The following STXBP5 variants were observed in gnomAD, a reference collection of about 807,000 sequenced individuals.
STXBP5 encodes syntaxin binding protein 5.
A neutral mutation model predicts 152.4 loss-of-function variants in STXBP5; 50 were observed. The observed-to-expected ratio is 0.33, with a 90% CI of 0.26 to 0.42. STXBP5 has a LOEUF of 0.42. Among genes scored for constraint, STXBP5 ranks in the 10% least tolerant of loss-of-function variants. The pLI, the probability that STXBP5 is intolerant of heterozygous loss-of-function variation, is 1.00. For missense variants in STXBP5, 1,167 were observed against 1,388.6 expected (o/e 0.84, Z 2.54); for synonymous variants, 492 against 494.7 (o/e 0.99, Z 0.07).
intron 1 of STXBP5, among the ~76,000 whole-genome samples, chr6:147,205,685 A>G (rs1343539837): frequency 6.6e-6 from 1 of 152,172 alleles, no homozygotes; most frequent in Admixed American, 6.5e-5. Flanking sequence ...CTGGTGTCGG[A>G]TGTAGTAGTA....
At chr6:147,261,780 G>GGGTA (rs1423196100) in intron 5 of STXBP5, among the ~76,000 whole-genome samples, 1 of 151,778 alleles carries the variant, frequency 6.6e-6, no homozygotes, top group East Asian at 1.9e-4. Context: ...TCTGAATTAG[G>GGGTA]GGTATGCTTA....
At chr6:147,357,845 G>T (rs1488862112) in intron 22 of STXBP5, among the ~76,000 whole-genome samples, 1 of 152,090 alleles carries the variant, frequency 6.6e-6, no homozygotes, top group African/African-American at 2.4e-5. Flanking sequence ...ACTGGTTTGG[G>T]GGAAATTATA....
At chr6:147,325,348 T>A (rs746754402) in intron 17 of STXBP5, among the ~76,000 whole-genome samples, 21 of 152,180 alleles carry the variant, frequency 1.4e-4, no homozygotes, top group Non-Finnish European at 2.4e-4. Context: ...TTAAAGTCAG[T>A]ATATCCTCTC....
At chr6:147,285,447 T>C (rs1780913300) in intron 8 of STXBP5, among the ~76,000 whole-genome samples, 1 of 152,112 alleles carries the variant, frequency 6.6e-6, no homozygotes, top group South Asian at 2.1e-4. Flanking sequence ...ATTTAAAACA[T>C]CTTGGTTGGA....
At chr6:147,206,141 C>A in intron 2 of STXBP5, 73 bp downstream of exon 2, 1 of 1,325,452 alleles carries the variant, frequency 7.5e-7, no homozygotes, top group Non-Finnish European at 1.1e-6. Context: ...CTGATTAGTT[C>A]CAAAGAAAGT....
At chr6:147,347,775 A>T (rs1463709716) in intron 21 of STXBP5, among the ~76,000 whole-genome samples, 1 of 152,188 alleles carries the variant, frequency 6.6e-6, no homozygotes, top group Non-Finnish European at 1.5e-5. Flanking sequence ...AAAGTTTGAA[A>T]TATAGTAGTT....
At chr6:147,265,916 A>G (rs1052911408) in intron 6 of STXBP5, among the ~76,000 whole-genome samples, 4 of 152,036 alleles carry the variant, frequency 2.6e-5, no homozygotes, top group Non-Finnish European at 4.4e-5. Context: ...GAATTAAAAA[A>G]AAAAAGTACA....
chr6:147,231,434 A>G (rs1778002923), intron 2 of STXBP5, among the ~76,000 whole-genome samples: 1 of 151,896 alleles, frequency 6.6e-6, no homozygotes, highest in Non-Finnish European at 1.5e-5. Context: ...TTTGCTTTAA[A>G]AACAAGAATT....
chr6:147,212,250 T>C (rs1026290208), intron 2 of STXBP5, among the ~76,000 whole-genome samples: 10 of 152,308 alleles, frequency 6.6e-5, no homozygotes, highest in African/African-American at 2.4e-4. Flanking sequence ...ATGTTAACTA[T>C]TGGAGATTCA....
chr6:147,257,647 T>C (rs778753721), intron 4 of STXBP5, among the ~76,000 whole-genome samples: 2 of 152,216 alleles, frequency 1.3e-5, no homozygotes, highest in Non-Finnish European at 1.5e-5. Flanking sequence ...GTATTTCAGC[T>C]TCATGAAACA....
chr6:147,332,019 G>A (rs1783599006), intron 18 of STXBP5, among the ~76,000 whole-genome samples: 1 of 152,190 alleles, frequency 6.6e-6, no homozygotes. Context: ...CTGGCACATA[G>A]TAAGTATTCA....
At chr6:147,286,630 T>A (rs954530462) in intron 8 of STXBP5, among the ~76,000 whole-genome samples, 2 of 152,190 alleles carry the variant, frequency 1.3e-5, no homozygotes, top group African/African-American at 4.8e-5. Flanking sequence ...ATAATTAATG[T>A]AATAAATGAA....
At chr6:147,249,270 C>A (rs1408883900) in intron 4 of STXBP5, among the ~76,000 whole-genome samples, 1 of 151,934 alleles carries the variant, frequency 6.6e-6, no homozygotes, top group African/African-American at 2.4e-5. Flanking sequence ...AAAAAATACA[C>A]CTGGTATTAG....
intron 16 of STXBP5, among the ~76,000 whole-genome samples, chr6:147,320,451 A>G (rs553069472): frequency 5.3e-5 from 8 of 152,102 alleles, no homozygotes; most frequent in Non-Finnish European, 1.0e-4. Context: ...GGACTCTACC[A>G]TTCCTGGGAT....
intron 6 of STXBP5, among the ~76,000 whole-genome samples, chr6:147,264,906 A>AAAGTTTAACCCTCTTAAGTTATTAAGGTT: frequency 6.6e-6 from 1 of 151,916 alleles, no homozygotes; most frequent in Non-Finnish European, 1.5e-5. Flanking sequence ...TAGAGAGGTT[A>AAAGTTTAACCCTCTTAAGTTATTAAGGTT]AAGTTTAACC....
chr6:147,351,660 T>A (rs1784595252), intron 21 of STXBP5, among the ~76,000 whole-genome samples: 1 of 152,232 alleles, frequency 6.6e-6, no homozygotes, highest in Non-Finnish European at 1.5e-5. Context: ...TGAAATTTTT[T>A]ACGTTGGTGA....
chr6:147,376,164 A>G (rs574201750), intron 26 of STXBP5, among the ~76,000 whole-genome samples: 2 of 152,356 alleles, frequency 1.3e-5, no homozygotes, highest in South Asian at 2.1e-4. Flanking sequence ...ACAGACAATA[A>G]CATAGCCCAA....
chr6:147,385,897 TTAGTC>T lies in STXBP5; in HGVS notation c.*1144_*1148del, dbSNP rs1554222799. The T allele has an allele frequency of 6.6e-6, 1 of 152,084 alleles. No individual in the cohort carries two copies. The highest frequency in any genetic ancestry group is 1.5e-5 in the Non-Finnish European group (1 of 67,960). 9.4% of individuals were successfully genotyped at this position (152,084 alleles called of 1,614,324 possible). On this transcript the variant is annotated 3_prime_UTR_variant, in exon 28 of 28. Transcript: ENST00000321680. ...CTGTTGTCAATAATTATATAAGAGT[TTAGTC>T]TGATGACCTACAAAATATTTTGTGT...
At chr6:147,311,160 G>C (rs1047007810) in intron 10 of STXBP5, among the ~76,000 whole-genome samples, 1 of 152,118 alleles carries the variant, frequency 6.6e-6, no homozygotes, top group East Asian at 1.9e-4. Context: ...CTGTTCTTGT[G>C]TGTATTCAGA....
Sources: gnomAD v4.1 joint callset for allele counts (sites outside exome capture counted in the v4.1 genomes callset) on GRCh38, gnomAD v4.1.1 for gene constraint, MANE v1.5 for transcripts, NCBI Gene and HGNC (gene_info 2026-07-23, HGNC 2026-07-21) for gene names.